The following AGBL4 variants were observed in gnomAD, a reference collection of about 807,000 sequenced individuals.
The protein encoded by AGBL4 is cytosolic carboxypeptidase 6.
In AGBL4, 58 loss-of-function variants were observed where a neutral mutation model predicts 66.4. The observed-to-expected ratio is 0.87, with a 90% CI of 0.71 to 1.09. The LOEUF (loss-of-function observed/expected upper bound fraction) is 1.09, where lower values mean the gene tolerates loss of function less well. AGBL4 is among the 50% of genes least tolerant of loss of function. The pLI, the probability that AGBL4 is intolerant of heterozygous loss-of-function variation, is 0.00. For synonymous variants in AGBL4, 234 were observed against 222.9 expected (o/e 1.05, Z -0.44); for missense variants, 579 against 631.0 (o/e 0.92, Z 0.88).
chr1:48,683,454 CAG>C (rs1312195670), intron 6 of AGBL4, among the ~76,000 whole-genome samples: 4 of 152,366 alleles, frequency 2.6e-5, no homozygotes, highest in South Asian at 4.1e-4. Flanking sequence ...GCAGTCCACA[CAG>C]AGTCTCATTC....
intron 6 of AGBL4, among the ~76,000 whole-genome samples, chr1:48,827,090 T>C (rs1646442799): frequency 6.6e-6 from 1 of 152,228 alleles, no homozygotes; most frequent in African/African-American, 2.4e-5. Context: ...TCTTTGAAAT[T>C]ACCCCTGATT....
At chr1:49,337,114 T>G (rs2148499870) in intron 3 of AGBL4, among the ~76,000 whole-genome samples, 1 of 152,310 alleles carries the variant, frequency 6.6e-6, no homozygotes, top group Non-Finnish European at 1.5e-5. Context: ...AAATGGGAAC[T>G]TAAAAATTCT....
At chr1:48,920,943 A>C (rs1654024489) in intron 5 of AGBL4, among the ~76,000 whole-genome samples, 1 of 152,232 alleles carries the variant, frequency 6.6e-6, no homozygotes, top group Non-Finnish European at 1.5e-5. Context: ...TTGCCTGCCA[A>C]GGCCCTGTAC....
At chr1:50,016,900 T>C (rs1032807905) in intron 1 of AGBL4, among the ~76,000 whole-genome samples, 1 of 152,130 alleles carries the variant, frequency 6.6e-6, no homozygotes, top group Non-Finnish European at 1.5e-5. Context: ...TCAAAGAACT[T>C]AGAACTACCA....
At chr1:48,872,870 G>C (rs756095682) in intron 5 of AGBL4, among the ~76,000 whole-genome samples, 3 of 152,142 alleles carry the variant, frequency 2.0e-5, no homozygotes, top group Non-Finnish European at 2.9e-5. Context: ...GCGAAGCAAA[G>C]AGAAAAAGGA....
intron 6 of AGBL4, among the ~76,000 whole-genome samples, chr1:48,731,153 C>A (rs2148556319): frequency 6.6e-6 from 1 of 152,250 alleles, no homozygotes; most frequent in Non-Finnish European, 1.5e-5. Flanking sequence ...CTCAATCCAG[C>A]AGACAGCTTG....
chr1:48,990,818 A>G (rs536529873), intron 5 of AGBL4, among the ~76,000 whole-genome samples: 3 of 152,298 alleles, frequency 2.0e-5, no homozygotes, highest in Non-Finnish European at 4.4e-5. Flanking sequence ...CCAGTGTAAC[A>G]CTGATTGCAT....
chr1:49,137,779 C>T (rs891321768), intron 4 of AGBL4, among the ~76,000 whole-genome samples: 2 of 152,064 alleles, frequency 1.3e-5, no homozygotes, highest in Admixed American at 6.6e-5. Flanking sequence ...AACTTCTTTG[C>T]TAAGAGGTCA....
intron 5 of AGBL4, among the ~76,000 whole-genome samples, chr1:48,952,731 G>C (rs999454503): frequency 5.3e-5 from 8 of 152,162 alleles, no homozygotes; most frequent in African/African-American, 1.9e-4. Context: ...CTTTGGAATT[G>C]GATAGATCCC....
intron 5 of AGBL4, among the ~76,000 whole-genome samples, chr1:49,033,903 C>T (rs1664436258): frequency 6.6e-6 from 1 of 151,272 alleles, no homozygotes; most frequent in African/African-American, 2.4e-5. Flanking sequence ...TCAGAATCTT[C>T]CCTATGCTAC....
rs140369858 is a variant in AGBL4, at chr1:49,025,012, T to A, written c.594+20572A>T. Among the ~76,000 whole-genome samples the A allele has an allele frequency of 3.9e-5, 6 of 152,266 alleles. No homozygotes were observed. In the East Asian group the frequency reaches 1.2e-3, roughly 29 times the overall value. The stretch of plus-strand genomic sequence containing the variant: ...GGGTAGAGGGTAGGGTGCTAATGTA[T>A]GAGGAAAAGAGGCACGAAGAGTTTG... On this transcript the variant is annotated intron_variant, in intron 5 of 13. Transcript: ENST00000371839.
intron 5 of AGBL4, among the ~76,000 whole-genome samples, chr1:49,024,814 A>G (rs1663523405): frequency 6.6e-6 from 1 of 152,198 alleles, no homozygotes; most frequent in Admixed American, 6.6e-5. Context: ...AATATCTACT[A>G]GAAGCCTCTT....
At chr1:49,221,243 A>G (rs563618789) in intron 4 of AGBL4, among the ~76,000 whole-genome samples, 2 of 152,232 alleles carry the variant, frequency 1.3e-5, no homozygotes, top group African/African-American at 4.8e-5. Flanking sequence ...ATCAAATCTA[A>G]GCATTATAGC....
At chr1:48,611,395 G>A (rs1645236862) in intron 9 of AGBL4, among the ~76,000 whole-genome samples, 2 of 152,260 alleles carry the variant, frequency 1.3e-5, no homozygotes. Flanking sequence ...GCAGAGAGAT[G>A]TCAGGACCCA....
intron 1 of AGBL4, among the ~76,000 whole-genome samples, chr1:49,873,320 G>T (rs1194652606): frequency 1.3e-5 from 2 of 152,076 alleles, no homozygotes; most frequent in East Asian, 1.9e-4. Context: ...AGCCAGGAGA[G>T]ATCAGACAAA....
At chr1:49,584,720 G>A (rs1036296933) in intron 3 of AGBL4, among the ~76,000 whole-genome samples, 6 of 152,086 alleles carry the variant, frequency 3.9e-5, no homozygotes, top group African/African-American at 1.4e-4. Flanking sequence ...CACATGCAAG[G>A]GAGAAACCCA....
chr1:48,750,494 A>G (rs1445545199), intron 6 of AGBL4, among the ~76,000 whole-genome samples: 1 of 152,056 alleles, frequency 6.6e-6, no homozygotes, highest in African/African-American at 2.4e-5. Context: ...CCATGTAAGG[A>G]GCTCTCTTTT....
chr1:49,608,282 T>C (rs1285378708), intron 3 of AGBL4, among the ~76,000 whole-genome samples: 1 of 152,178 alleles, frequency 6.6e-6, no homozygotes, highest in Non-Finnish European at 1.5e-5. Flanking sequence ...AAAATTCTTC[T>C]CTCAGTACCT....
chr1:49,388,052 G>A lies in AGBL4; in HGVS notation c.283-142188C>T, dbSNP rs138433378. Among the ~76,000 whole-genome samples, 552 of 152,128 alleles carry A rather than the reference G, an allele frequency of 3.6e-3. 3 individuals carry two copies. The highest frequency in any genetic ancestry group is 0.012 in the African/African-American group (500 of 41,534). On this transcript the variant is annotated intron_variant, in intron 3 of 13. Coordinates refer to ENST00000371839, the MANE Select transcript of AGBL4 (RefSeq NM_032785.4). ...AAAATAATACACAAAAAACACATAG[G>A]ACAGTGGTTGACATTGTCAGGTACT...
Sources: allele counts gnomAD v4.1 joint callset (sites outside exome capture counted in the v4.1 genomes callset), GRCh38; gene constraint gnomAD v4.1.1; transcripts MANE v1.5; gene names NCBI Gene and HGNC (gene_info 2026-07-23, HGNC 2026-07-21).